Variants in PRPSAP2 observed in about 807,000 individuals in gnomAD.
PRPSAP2 encodes the protein phosphoribosyl pyrophosphate synthase-associated protein 2.
A neutral mutation model predicts 40.6 loss-of-function variants in PRPSAP2; 24 were observed. That is an observed-to-expected ratio of 0.59 (90% CI 0.43 to 0.83). The LOEUF (loss-of-function observed/expected upper bound fraction) is 0.83, where lower values mean the gene tolerates loss of function less well. Among genes scored for constraint, PRPSAP2 ranks in the 40% least tolerant of loss-of-function variants. The pLI, the probability that PRPSAP2 is intolerant of heterozygous loss-of-function variation, is 0.00. For synonymous variants in PRPSAP2, 149 were observed against 164.7 expected (o/e 0.90, Z 0.73); for missense variants, 292 against 465.6 (o/e 0.63, Z 3.43).
chr17:18,925,810 A>G (rs1173664700), intron 10 of PRPSAP2, among the ~76,000 whole-genome samples: 1 of 152,126 alleles, frequency 6.6e-6, no homozygotes. Flanking sequence ...CACCCTTTTC[A>G]GGTTAGAAAA....
chr17:18,902,858 A>G (rs1179820050), intron 8 of PRPSAP2, among the ~76,000 whole-genome samples: 1 of 137,750 alleles, frequency 7.3e-6, no homozygotes, highest in African/African-American at 2.8e-5. Context: ...GACAAGAGCA[A>G]AACTCCATCT....
chr17:18,898,057 G>T, intron 8 of PRPSAP2, among the ~76,000 whole-genome samples: 1 of 137,180 alleles, frequency 7.3e-6, no homozygotes. Context: ...GGAGTGCAGT[G>T]GTGCAATCTT....
intron 3 of PRPSAP2, 147 bp from the exon 4 acceptor site, chr17:18,867,134 TG>T: frequency 1.2e-6 from 1 of 809,420 alleles, no homozygotes; most frequent in Non-Finnish European, 1.9e-6. Flanking sequence ...AATGGATTGA[TG>T]TAACAATTTA....
At chr17:18,888,724 C>G (rs1321685241) in intron 7 of PRPSAP2, among the ~76,000 whole-genome samples, 1 of 63,328 alleles carries the variant, frequency 1.6e-5, no homozygotes, top group East Asian at 3.4e-4. Flanking sequence ...CACCTCCCTC[C>G]CGGACGGGGC....
At position 18,872,677 on chromosome 17, in the gene PRPSAP2, C is replaced by T. The variant is rs1167596753; in HGVS notation, c.239+28C>T. On this transcript the variant is annotated intron_variant, in intron 5 of 11. Coordinates refer to ENST00000268835, the MANE Select transcript of PRPSAP2 (RefSeq NM_002767.4). ...GAGTATCCAGCAAAAGTGTTGCTTT[C>T]TGGGTTTCAGTTTAGGCATGAGTGT... 9.1e-6 allele frequency: 14 copies of T among 1,544,648 alleles called. No homozygotes were observed. The Admixed American group carries it at 1.0e-4, about 11-fold the overall frequency.
chr17:18,861,214 C>T (rs1597495747), intron 1 of PRPSAP2, among the ~76,000 whole-genome samples: 1 of 152,280 alleles, frequency 6.6e-6, no homozygotes, highest in Middle Eastern at 3.4e-3. Context: ...CCTGTAATCC[C>T]AGCACTTTAG....
At chr17:18,879,194 A>T (rs543568171) in intron 6 of PRPSAP2, among the ~76,000 whole-genome samples, 1 of 152,190 alleles carries the variant, frequency 6.6e-6, no homozygotes, top group South Asian at 2.1e-4. Flanking sequence ...TTTAGAAGGT[A>T]TGTATCACGG....
At chr17:18,879,685 C>T (rs906245754) in intron 6 of PRPSAP2, among the ~76,000 whole-genome samples, 1 of 152,060 alleles carries the variant, frequency 6.6e-6, no homozygotes, top group Admixed American at 6.6e-5. Context: ...AACTCTTGAC[C>T]TCAGGTGATC....
upstream of PRPSAP2, among the ~76,000 whole-genome samples, chr17:18,857,322 G>A (rs1262202820): frequency 1.3e-5 from 2 of 151,780 alleles, no homozygotes; most frequent in Non-Finnish European, 2.9e-5. Context: ...ACAACAGAGC[G>A]AAACTCCGTC....
intron 10 of PRPSAP2, among the ~76,000 whole-genome samples, chr17:18,927,268 G>C (rs191554536): frequency 1.1e-3 from 173 of 152,292 alleles, no homozygotes; most frequent in Non-Finnish European, 1.3e-3. Context: ...ACCCAACACT[G>C]TTGCACTGGG....
chr17:18,860,516 G>C (rs2036929512), intron 1 of PRPSAP2: 1 of 152,196 alleles, frequency 6.6e-6, no homozygotes, highest in South Asian at 2.1e-4. Flanking sequence ...GTAAAAAATA[G>C]TCTCTGCTGC....
chr17:18,860,956 A>G (rs893439453), intron 1 of PRPSAP2, among the ~76,000 whole-genome samples: 1 of 152,148 alleles, frequency 6.6e-6, no homozygotes, highest in Non-Finnish European at 1.5e-5. Flanking sequence ...CACATTCTAG[A>G]GTAAATTTAG....
At chr17:18,921,451 T>C (rs2041684604) in intron 9 of PRPSAP2, among the ~76,000 whole-genome samples, 2 of 152,208 alleles carry the variant, frequency 1.3e-5, no homozygotes, top group Non-Finnish European at 2.9e-5. Flanking sequence ...TTCTGGAATT[T>C]ATCTTGCTTT....
intron 9 of PRPSAP2, 34 bp from the exon 10 acceptor site, chr17:18,923,873 TTAATATA>T: frequency 3.9e-6 from 6 of 1,532,016 alleles, no homozygotes; most frequent in Non-Finnish European, 5.3e-6. Flanking sequence ...GTTTTACTTT[TTAATATA>T]AAAATTTTGG....
At chr17:18,925,063 T>G (rs2041899554) in intron 10 of PRPSAP2, among the ~76,000 whole-genome samples, 1 of 151,868 alleles carries the variant, frequency 6.6e-6, no homozygotes, top group African/African-American at 2.4e-5. Context: ...GAGGTTGCAG[T>G]GAGCCAAGAT....
chr17:18,908,802 G>A (rs759669874), intron 8 of PRPSAP2: 15 of 723,122 alleles, frequency 2.1e-5, no homozygotes, highest in Non-Finnish European at 3.1e-5. Context: ...AAAAAGTGGC[G>A]GAAAAGCTAG....
chr17:18,898,250 G>C (rs1226320646), intron 8 of PRPSAP2, among the ~76,000 whole-genome samples: 1 of 151,928 alleles, frequency 6.6e-6, no homozygotes, highest in African/African-American at 2.4e-5. Context: ...GCCCACCGCG[G>C]CCTCCCAAAG....
At chr17:18,869,617 C>T (rs563148452) in intron 4 of PRPSAP2, among the ~76,000 whole-genome samples, 15 of 151,358 alleles carry the variant, frequency 9.9e-5, no homozygotes, top group Admixed American at 1.3e-4. Context: ...ATTCTCGTGC[C>T]TCAGCCTCCC....
intron 5 of PRPSAP2, among the ~76,000 whole-genome samples, chr17:18,877,152 T>C (rs1215875439): frequency 6.6e-6 from 1 of 152,130 alleles, no homozygotes; most frequent in Non-Finnish European, 1.5e-5. Flanking sequence ...CATGGCCGCA[T>C]GGAGGCCACT....
Sources: gnomAD v4.1 joint callset for allele counts (sites outside exome capture counted in the v4.1 genomes callset) on GRCh38, gnomAD v4.1.1 for gene constraint, MANE v1.5 for transcripts, NCBI Gene and HGNC (gene_info 2026-07-23, HGNC 2026-07-21) for gene names.